The following FOXP1 variants were observed in gnomAD, a reference collection of about 807,000 sequenced individuals.
FOXP1 encodes the protein forkhead box P1.
Under a neutral mutation model 98.2 loss-of-function variants are expected in FOXP1, and 15 were observed. The observed-to-expected ratio is 0.15, with a 90% CI of 0.10 to 0.24. The LOEUF is 0.24. Among genes scored for constraint, FOXP1 ranks in the 10% least tolerant of loss-of-function variants. The pLI is 1.00. For synonymous variants in FOXP1, 371 were observed against 314.5 expected, an observed-to-expected ratio of 1.18 and a Z score of -1.90; for missense variants, 633 against 848.5, an observed-to-expected ratio of 0.75 and a Z score of 3.15.
intron 3 of FOXP1, among the ~76,000 whole-genome samples, chr3:71,448,103 C>T (rs1285807535): frequency 6.6e-6 from 1 of 152,140 alleles, no homozygotes; most frequent in Non-Finnish European, 1.5e-5. Context: ...GTGAATGTTG[C>T]CAGCCTTGGG....
At chr3:71,073,607 T>A (rs747850377) in intron 7 of FOXP1, among the ~76,000 whole-genome samples, 12 of 152,212 alleles carry the variant, frequency 7.9e-5, no homozygotes, top group Non-Finnish European at 1.8e-4. Flanking sequence ...CATTTCCTCA[T>A]TTGTAAAGTG....
chr3:71,237,574 T>C (rs2066907577), intron 5 of FOXP1, among the ~76,000 whole-genome samples: 1 of 152,196 alleles, frequency 6.6e-6, no homozygotes, highest in South Asian at 2.1e-4. Flanking sequence ...TCACTTCCCA[T>C]GCTTGAATTG....
intron 6 of FOXP1, among the ~76,000 whole-genome samples, chr3:71,174,620 G>T (rs78685027): frequency 0.051 from 7,770 of 152,120 alleles, 227 homozygotes; most frequent in East Asian, 0.078. Flanking sequence ...TACATCAGGG[G>T]TATCCATGCA....
chr3:71,082,407 G>C (rs778514612), intron 7 of FOXP1, among the ~76,000 whole-genome samples: 1 of 147,740 alleles, frequency 6.8e-6, no homozygotes, highest in Non-Finnish European at 1.5e-5. Context: ...GTTCTCACTC[G>C]TAAGTGGGAG....
intron 3 of FOXP1, among the ~76,000 whole-genome samples, chr3:71,423,836 C>T (rs768784862): frequency 2.6e-5 from 4 of 152,236 alleles, no homozygotes; most frequent in Non-Finnish European, 5.9e-5. Flanking sequence ...GAGACATCTT[C>T]AGTTGTATTT....
chr3:71,193,002 C>G (rs1455172474), intron 6 of FOXP1, among the ~76,000 whole-genome samples: 5 of 152,112 alleles, frequency 3.3e-5, no homozygotes, highest in African/African-American at 1.2e-4. Flanking sequence ...ACCCTCCTCC[C>G]CCACTTAAAA....
chr3:71,420,982 G>A (rs770077477), intron 3 of FOXP1, among the ~76,000 whole-genome samples: 10 of 151,844 alleles, frequency 6.6e-5, no homozygotes, highest in Non-Finnish European at 1.3e-4. Flanking sequence ...ATGAAATCAC[G>A]GACTACAAGT....
chr3:71,048,403 T>C (rs2049338965), intron 9 of FOXP1, among the ~76,000 whole-genome samples: 2 of 152,208 alleles, frequency 1.3e-5, no homozygotes, highest in South Asian at 4.1e-4. Flanking sequence ...AAATGGTGGT[T>C]TCCTTTCGGT....
chr3:71,406,203 T>C (rs2082310999), intron 3 of FOXP1, among the ~76,000 whole-genome samples: 1 of 151,828 alleles, frequency 6.6e-6, no homozygotes, highest in Non-Finnish European at 1.5e-5. Context: ...ACATTTCTTA[T>C]CTTACAGTTC....
At chr3:71,459,255 T>G (rs954704443) in intron 3 of FOXP1, among the ~76,000 whole-genome samples, 4 of 152,218 alleles carry the variant, frequency 2.6e-5, no homozygotes, top group African/African-American at 9.6e-5. Flanking sequence ...TTACCTCAAT[T>G]TATTTATTGA....
chr3:71,085,352 G>GT (rs1294612379), intron 7 of FOXP1, among the ~76,000 whole-genome samples: 1 of 152,084 alleles, frequency 6.6e-6, no homozygotes, highest in East Asian at 1.9e-4. Flanking sequence ...GTCTCCCTGT[G>GT]TTACCCAGGC....
intron 11 of FOXP1, among the ~76,000 whole-genome samples, chr3:71,039,756 GAAA>G (rs567940533): frequency 2.8e-5 from 3 of 108,248 alleles, no homozygotes; most frequent in Non-Finnish European, 3.9e-5. Flanking sequence ...TTTCTTTCTT[GAAA>G]AAAAAAAAAA....
intron 7 of FOXP1, among the ~76,000 whole-genome samples, chr3:71,071,642 T>C (rs1245687303): frequency 6.6e-6 from 1 of 152,152 alleles, no homozygotes; most frequent in Non-Finnish European, 1.5e-5. Flanking sequence ...TGGCGCATCT[T>C]GGCTCACTGC....
chr3:71,174,909 A>G (rs979201504), intron 6 of FOXP1, among the ~76,000 whole-genome samples: 7 of 151,116 alleles, frequency 4.6e-5, no homozygotes, highest in African/African-American at 1.5e-4. Flanking sequence ...GTTGGAGTAC[A>G]TAAATGTTTT....
At chr3:71,418,480 G>A (rs1343666326) in intron 3 of FOXP1, among the ~76,000 whole-genome samples, 1 of 152,160 alleles carries the variant, frequency 6.6e-6, no homozygotes, top group Non-Finnish European at 1.5e-5. Flanking sequence ...GGTTCAAATG[G>A]CAAGGGTAGA....
At chr3:71,215,463 GCA>G (rs765412509) in intron 5 of FOXP1, among the ~76,000 whole-genome samples, 14 of 152,174 alleles carry the variant, frequency 9.2e-5, no homozygotes, top group Non-Finnish European at 2.1e-4. Flanking sequence ...CATGAAAAAT[GCA>G]CAGTGTTCTG....
chr3:71,049,678 G>A (rs926003638), intron 9 of FOXP1, among the ~76,000 whole-genome samples: 5 of 152,004 alleles, frequency 3.3e-5, no homozygotes, highest in Non-Finnish European at 4.4e-5. Context: ...ATTATGAGCC[G>A]CTAATGACTG....
chr3:70,973,472 C>G (rs984496410), intron 17 of FOXP1, among the ~76,000 whole-genome samples: 12 of 152,052 alleles, frequency 7.9e-5, no homozygotes, highest in Admixed American at 7.9e-4. Flanking sequence ...AAGCTGAGAC[C>G]CTTAACATCG....
chr3:71,081,451 G>A (rs1014781278), intron 7 of FOXP1, among the ~76,000 whole-genome samples: 1 of 152,132 alleles, frequency 6.6e-6, no homozygotes, highest in African/African-American at 2.4e-5. Context: ...AACATGAAGA[G>A]CCAAAGGTCA....
Sources: gnomAD v4.1 joint callset for allele counts (sites outside exome capture counted in the v4.1 genomes callset) on GRCh38, gnomAD v4.1.1 for gene constraint, MANE v1.5 for transcripts, NCBI Gene and HGNC (gene_info 2026-07-23, HGNC 2026-07-21) for gene names.